The following ART3 variants were observed in gnomAD, a reference collection of about 807,000 sequenced individuals.
ART3 encodes ADP-ribosyltransferase 3 (inactive).
ART3 carries 49 observed loss-of-function variants against 48.5 expected under a neutral mutation model. The observed-to-expected ratio is 1.01, with a 90% CI of 0.80 to 1.28. ART3 has a LOEUF of 1.28. ART3 is among the 50% of genes most tolerant of loss of function. The pLI is 0.00. For synonymous variants in ART3, 145 were observed against 157.2 expected, an observed-to-expected ratio of 0.92 and a Z score of 0.58; for missense variants, 438 against 454.3, an observed-to-expected ratio of 0.96 and a Z score of 0.33.
At chr4:76,015,194 G>A (rs540347452) in intron 1 of ART3, among the ~76,000 whole-genome samples, 116 of 152,256 alleles carry the variant, frequency 7.6e-4, no homozygotes, top group Non-Finnish European at 1.2e-3. Context: ...TTTTTCCTAT[G>A]TGAATTAAAA....
intron 2 of ART3, among the ~76,000 whole-genome samples, chr4:76,079,036 G>C (rs913470786): frequency 1.3e-5 from 2 of 152,012 alleles, no homozygotes; most frequent in Non-Finnish European, 2.9e-5. Context: ...AGCCGAAATA[G>C]TGCCACTGCA....
chr4:76,017,670 C>G (rs554168888), intron 1 of ART3, among the ~76,000 whole-genome samples: 1 of 152,328 alleles, frequency 6.6e-6, no homozygotes, highest in East Asian at 1.9e-4. Flanking sequence ...CTAGGACTTG[C>G]AATCCTTGTG....
intron 1 of ART3, among the ~76,000 whole-genome samples, chr4:76,042,726 G>C (rs1349820864): frequency 6.6e-6 from 1 of 152,000 alleles, no homozygotes; most frequent in East Asian, 1.9e-4. Context: ...AGACTTTCGC[G>C]GTGAGTGTTA....
At chr4:76,075,487 A>G (rs1720848876) in intron 1 of ART3, among the ~76,000 whole-genome samples, 1 of 152,186 alleles carries the variant, frequency 6.6e-6, no homozygotes, top group South Asian at 2.1e-4. Flanking sequence ...GAGCTAGGGG[A>G]CCAATTTGAG....
chr4:76,104,121 G>A (rs971775156), intron 9 of ART3, 152 bp downstream of exon 9: 17 of 947,584 alleles, frequency 1.8e-5, no homozygotes, highest in Middle Eastern at 2.2e-4. Context: ...CTGGGGAAGC[G>A]TAGAGAAGTC....
chr4:76,059,873 A>G (rs879391262), intron 1 of ART3, among the ~76,000 whole-genome samples: 1 of 152,234 alleles, frequency 6.6e-6, no homozygotes, highest in Non-Finnish European at 1.5e-5. Flanking sequence ...CTGGCCAAAT[A>G]TAAGTTAGAT....
At chr4:76,098,611 T>C (rs1726551953) in intron 4 of ART3, among the ~76,000 whole-genome samples, 1 of 151,756 alleles carries the variant, frequency 6.6e-6, no homozygotes, top group African/African-American at 2.4e-5. Context: ...ATACAAAAAT[T>C]AGCCAGGTGT....
At chr4:76,074,642 G>A (rs895771669), upstream of ART3, 5 of 152,156 alleles carry the variant, frequency 3.3e-5, no homozygotes, top group East Asian at 1.9e-4. Context: ...AACACAAGTA[G>A]CGTAGTGTGC....
intron 1 of ART3, among the ~76,000 whole-genome samples, chr4:76,040,437 T>TACACAC (rs748020159): frequency 1.5e-3 from 129 of 88,488 alleles, no homozygotes; most frequent in South Asian, 0.011. Flanking sequence ...ATACACTGGA[T>TACACAC]ACACACACAC....
intron 1 of ART3, among the ~76,000 whole-genome samples, chr4:76,061,681 T>C (rs1719231051): frequency 6.6e-6 from 1 of 152,240 alleles, no homozygotes. Flanking sequence ...AAACATATCA[T>C]GCTGTCCAGC....
chr4:76,109,570 G>A (rs1344304896), intron 11 of ART3, among the ~76,000 whole-genome samples: 1 of 152,158 alleles, frequency 6.6e-6, no homozygotes, highest in Non-Finnish European at 1.5e-5. Context: ...CAAATGTTAT[G>A]TATTATATAT....
upstream of ART3, among the ~76,000 whole-genome samples, chr4:76,073,852 T>G (rs1484907793): frequency 3.3e-5 from 5 of 152,240 alleles, no homozygotes; most frequent in African/African-American, 9.6e-5. Context: ...TTGTGAGATT[T>G]ATCCACATTG....
rs575676509 is a variant in ART3, at chr4:76,100,291, G to A, written c.848G>A (p.Gly283Asp). Reference sequence around the variant, plus strand: ...GATGAACTTCTTTTCTGTGACTCAGGTGAGAAAAACCAGAAGCTTGAAGAC... The same window carrying A: ...GATGAACTTCTTTTCTGTGACTCAGATGAGAAAAACCAGAAGCTTGAAGAC... Reference protein sequence around the residue: ...YFQPIYVYNPGEKNQKLEDHS... With the variant: ...YFQPIYVYNPDEKNQKLEDHS... Residue 283 changes from glycine (G) to aspartate (D), a missense_variant and splice_region_variant, in exon 6 of 12, where the codon GGT becomes GAT. Physicochemically the swap from Gly to Asp is moderately conservative, Grantham distance 94. Transcript: ENST00000355810. 212 of 1,611,820 alleles carry A rather than the reference G, an allele frequency of 1.3e-4. 4 individuals carry two copies. In the South Asian group the frequency reaches 2.2e-3, roughly 17 times the overall value.
intron 1 of ART3, among the ~76,000 whole-genome samples, chr4:76,013,531 A>G (rs1731996141): frequency 6.6e-6 from 1 of 152,170 alleles, no homozygotes; most frequent in Non-Finnish European, 1.5e-5. Context: ...CGTAGTTTAT[A>G]TATTTGTAAA....
intron 1 of ART3, chr4:76,022,025 C>T (rs1370777202): frequency 8.8e-5 from 116 of 1,317,028 alleles, no homozygotes; most frequent in Non-Finnish European, 1.2e-4. Context: ...TGGAAAGTAC[C>T]GAGTTCATAG....
intron 1 of ART3, chr4:76,012,096 C>T (rs966649777): frequency 6.6e-6 from 1 of 152,170 alleles, no homozygotes; most frequent in African/African-American, 2.4e-5. Flanking sequence ...GTAGGGGATC[C>T]AAATGCTAAT....
chr4:76,082,010 C>A lies in ART3; in HGVS notation c.256C>A (p.Leu86Ile), dbSNP rs1212839506. ...GGCAGCCCGAAAGACTCAAATCTTT[C>A]TCCCTATGAATTTTAAGGATAACCA... is the stretch of plus-strand genomic sequence containing the variant. ...KWAARKTQIFLPMNFKDNHGI... is the reference protein window; with the variant it reads ...KWAARKTQIFIPMNFKDNHGI... The change falls in exon 3 of 12, where the codon CTC (leucine) becomes ATC (isoleucine). Residue 86 changes from leucine (L) to isoleucine (I), a missense_variant. Leu to Ile is a conservative substitution (Grantham distance 5). Coordinates refer to ENST00000355810, the MANE Select transcript of ART3 (RefSeq NM_001130016.3). 4.3e-6 allele frequency: 7 copies of A among 1,614,200 alleles called. No homozygotes were observed. The highest frequency in any genetic ancestry group is 4.2e-6 in the Non-Finnish European group (5 of 1,180,036).
intron 1 of ART3, among the ~76,000 whole-genome samples, chr4:76,019,574 C>G (rs1732591795): frequency 5.4e-5 from 1 of 18,498 alleles, no homozygotes. Flanking sequence ...CTGCTTCAGC[C>G]TCCCGAGTAG....
chr4:76,079,918 T>TCACA lies in ART3; in HGVS notation c.70-1895_70-1892dup, dbSNP rs58491679. Among the ~76,000 whole-genome samples the TCACA allele has an allele frequency of 1.6e-3, 239 of 149,382 alleles. 3 individuals are homozygous for TCACA. The highest frequency in any genetic ancestry group is 1.5e-3 in the South Asian group (7 of 4,702). On this transcript the variant is annotated intron_variant, in intron 2 of 11. Coordinates refer to ENST00000355810, the MANE Select transcript of ART3 (RefSeq NM_001130016.3). ...CTCTCTTTCACTCTCTCTCTCTCTC[T>TCACA]CACACACACACACAGAGAGAGAGAG...
Sources: allele counts gnomAD v4.1 joint callset (sites outside exome capture counted in the v4.1 genomes callset), GRCh38; gene constraint gnomAD v4.1.1; transcripts MANE v1.5; gene names NCBI Gene and HGNC (gene_info 2026-07-23, HGNC 2026-07-21).